ABCA6: variants seen among roughly 807,000 people sequenced by gnomAD.
ABCA6 encodes the protein ATP binding cassette subfamily A member 6, also known as ATP-binding cassette sub-family A member 6.
ABCA6 carries 164 observed loss-of-function variants against 191.2 expected under a neutral mutation model. That is an observed-to-expected ratio of 0.86 (90% confidence interval 0.76 to 0.98). The LOEUF (loss-of-function observed/expected upper bound fraction) is 0.98, where lower values mean the gene tolerates loss of function less well. ABCA6 is among the 50% of genes least tolerant of loss of function. ABCA6 has a pLI of 0.00. For missense variants in ABCA6, 1,958 were observed against 1,894.1 expected (o/e 1.03, Z -0.63); for synonymous variants, 636 against 647.7 (o/e 0.98, Z 0.27).
At position 69,113,377 on chromosome 17, in the gene ABCA6, T is replaced by G. The variant is rs2073469882; in HGVS notation, c.1903-17A>C. 7.0e-6 allele frequency: 11 copies of G among 1,580,344 alleles called. No individual in the cohort carries two copies. Among genetic ancestry groups the G allele is most frequent in the Non-Finnish European group, 9.4e-6 (11 of 1,169,156 alleles). ...AAGCAAAATCTACAGAGAATGAAGATATATAAAATATGTCTCTCTTTCACA... is the reference window on the plus strand; with the variant it reads ...AAGCAAAATCTACAGAGAATGAAGAGATATAAAATATGTCTCTCTTTCACA... On this transcript the variant is annotated splice_polypyrimidine_tract_variant and intron_variant, in intron 14 of 38. Transcript: ENST00000284425.
At chr17:69,092,238 AT>A (rs530266773) in intron 25 of ABCA6, among the ~76,000 whole-genome samples, 75 of 152,340 alleles carry the variant, frequency 4.9e-4, no homozygotes, top group Middle Eastern at 6.8e-3. Flanking sequence ...ACTGATTATA[AT>A]AAAAATAGAA....
At chr17:69,123,923 A>T (rs895249819) in intron 9 of ABCA6, among the ~76,000 whole-genome samples, 3 of 152,064 alleles carry the variant, frequency 2.0e-5, no homozygotes, top group African/African-American at 7.2e-5. Context: ...AAATTTTTTT[A>T]AAATGTGATC....
Position 69,078,875 on chromosome 17 carries a change from G to T in ABCA6, c.*98C>A. 1.5e-6 allele frequency: 1 copy of T among 687,160 alleles called. No individual in the cohort carries two copies. Among genetic ancestry groups the T allele is most frequent in the Non-Finnish European group, 2.2e-6 (1 of 445,348 alleles). The allele number at this position is 687,160 out of a possible 1,614,324, so 42.6% of individuals were successfully genotyped here. On this transcript the variant is annotated 3_prime_UTR_variant, in exon 39 of 39. Coordinates refer to ENST00000284425, the MANE Select transcript of ABCA6 (RefSeq NM_080284.3). ...ACTAAATTTACAAAATATACCTGAT[G>T]TTAATTTTAAATGATCTTTAAAATT... is the stretch of plus-strand genomic sequence containing the variant.
Position 69,129,619 on chromosome 17 carries a change from G to T in ABCA6, c.924C>A (p.Gly308=). Residue 308 remains glycine, a synonymous_variant, in exon 7 of 39, where the codon GGC becomes GGA. Transcript: ENST00000284425. ...MVIFILFFLY[G]LSLVALVFLM... ...AAATGTATCAACTTACCAAAGATAA[G>T]CCATATAAAAAAAAGAGTATAAATA... The T allele has an allele frequency of 6.3e-7, 1 of 1,591,860 alleles. No individual in the cohort carries two copies. The highest frequency in any genetic ancestry group is 1.1e-5 in the South Asian group (1 of 88,534).
Position 69,128,668 on chromosome 17 carries a change from C to T in ABCA6, c.1070G>A (p.Trp357Ter). The T allele has an allele frequency of 1.2e-6, 2 of 1,613,016 alleles. No individual in the cohort carries two copies. The highest frequency in any genetic ancestry group is 1.1e-5 in the South Asian group (1 of 90,954). Residue 357 changes from tryptophan (W) to a stop codon, truncating the protein, a stop_gained, in exon 8 of 39, where the codon TGG becomes TAG. Transcript: ENST00000284425. LOFTEE classifies it high-confidence loss of function. Reference sequence around the variant, plus strand: ...AAAAGGGCTACAAATATTCAAAATCCACTCCAGAGATGAAGGAAGTTGTTC... The same window carrying T: ...AAAAGGGCTACAAATATTCAAAATCTACTCCAGAGATGAAGGAAGTTGTTC... ...FYEQLPSSLE[W>*]ILNICSPFAF... is the part of the protein sequence containing the mutation.
At chr17:69,121,794 C>T (rs2073652014) in intron 10 of ABCA6, among the ~76,000 whole-genome samples, 1 of 151,920 alleles carries the variant, frequency 6.6e-6, no homozygotes, top group South Asian at 2.1e-4. Context: ...GTGCCCTCAA[C>T]TGGTAAAGAA....
At chr17:69,093,093 A>G (rs1176032573) in intron 25 of ABCA6, among the ~76,000 whole-genome samples, 2 of 152,188 alleles carry the variant, frequency 1.3e-5, no homozygotes, top group African/African-American at 2.4e-5. Flanking sequence ...GAGGAATGAC[A>G]TAAGGTCTGA....
At chr17:69,116,723 C>A (rs976134384) in intron 11 of ABCA6, among the ~76,000 whole-genome samples, 14 of 152,086 alleles carry the variant, frequency 9.2e-5, no homozygotes, top group African/African-American at 3.4e-4. Context: ...AAAAGTGTGT[C>A]CCAAAGGTGT....
At position 69,129,677 on chromosome 17, in the gene ABCA6, G is replaced by A. The variant is rs1383163950; in HGVS notation, c.866C>T (p.Thr289Ile). 4 of 1,605,038 alleles carry A rather than the reference G, an allele frequency of 2.5e-6. No homozygotes were observed. Among genetic ancestry groups the A allele is most frequent in the East Asian group, 2.2e-5 (1 of 44,718 alleles). ...SIFVTIIITF[T>I]QIIVMTGFMV... is the part of the protein sequence containing the mutation. ...GAAGCCAGTCATGACTATAATTTGGGTGAATGTTATGATAATTGTAACGAA... is the reference window on the plus strand; with the variant it reads ...GAAGCCAGTCATGACTATAATTTGGATGAATGTTATGATAATTGTAACGAA... The change falls in exon 7 of 39, where the codon ACC becomes ATC. Residue 289 changes from threonine to isoleucine, a missense_variant. Coordinates refer to ENST00000284425, the MANE Select transcript of ABCA6 (RefSeq NM_080284.3).
chr17:69,114,877 T>C lies in ABCA6; in HGVS notation c.1667A>G (p.Lys556Arg), dbSNP rs1226613349. ...GAATTGAGGACAGACGCCAGTTATC[T>C]TTCTGATTTCCTCCAAGTCTTGCAT... is the stretch of plus-strand genomic sequence containing the variant. ...SEMQDLEEIRKITGVCPQFNV... is the reference protein window; with the variant it reads ...SEMQDLEEIRRITGVCPQFNV... Residue 556 changes from lysine (K) to arginine (R), a missense_variant, in exon 13 of 39, where the codon AAG (lysine) becomes AGG (arginine). Coordinates refer to ENST00000284425, the MANE Select transcript of ABCA6 (RefSeq NM_080284.3). 1 of 1,612,582 alleles carries C rather than the reference T, an allele frequency of 6.2e-7. No individual in the cohort carries two copies. The highest frequency in any genetic ancestry group is 8.5e-7 in the Non-Finnish European group (1 of 1,179,080).
rs556232507 is a variant in ABCA6 at position 69,127,871 on chromosome 17, A to G, written c.1119+748T>C. ...AAATGCTCAAAAACTAAAAATTATC[A>G]TAATCTATTGATAAGAAAATTGATA... On this transcript the variant is annotated intron_variant, in intron 8 of 38. Coordinates refer to ENST00000284425, the MANE Select transcript of ABCA6 (RefSeq NM_080284.3). 9.2e-5 allele frequency among the ~76,000 whole-genome samples: 14 copies of G among 152,272 alleles called. 1 individual carries two copies. The highest frequency in any genetic ancestry group is 3.1e-4 in the African/African-American group (13 of 41,580).
At position 69,117,852 on chromosome 17, in the gene ABCA6, TAAAG is replaced by T. The variant is rs777026441; in HGVS notation, c.1495+42_1495+45del. ...CATTGAATGTTTCCCTTTTTTATAA[TAAAG>T]AAAGAAGTGAAAGAATGAAATTTTT... On this transcript the variant is annotated intron_variant, in intron 11 of 38. Coordinates refer to ENST00000284425, the MANE Select transcript of ABCA6 (RefSeq NM_080284.3). The T allele has an allele frequency of 1.1e-4, 152 of 1,379,460 alleles. 1 individual carries two copies. The South Asian group carries it at 1.4e-3, about 13-fold the overall frequency. The allele number at this position is 1,379,460 out of a possible 1,614,324, so 85.5% of individuals were successfully genotyped here.
chr17:69,131,505 A>G (rs2073861221), intron 6 of ABCA6, among the ~76,000 whole-genome samples: 1 of 152,184 alleles, frequency 6.6e-6, no homozygotes, highest in African/African-American at 2.4e-5. Flanking sequence ...CACTACTTAG[A>G]AAAAGGAACC....
At chr17:69,123,166 T>C in intron 10 of ABCA6, 73 bp downstream of exon 10, 6 of 992,524 alleles carry the variant, frequency 6.0e-6, no homozygotes, top group Non-Finnish European at 7.8e-6. Flanking sequence ...AGTATAATAA[T>C]AATAAAATTA....
Position 69,082,908 on chromosome 17 carries a change from A to G in ABCA6, c.4581T>C (p.Ile1527=). 6.2e-7 allele frequency: 1 copy of G among 1,614,240 alleles called. No homozygotes were observed. Among genetic ancestry groups the G allele is most frequent in the Non-Finnish European group, 8.5e-7 (1 of 1,180,016 alleles). The change falls in exon 36 of 39, where the codon ATT becomes ATC. Residue 1527 remains isoleucine (I), a synonymous_variant. Transcript: ENST00000284425. ...CTGCAGCCTGTGGGAAAAGCTTCAG[A>G]ATCTCAGTGTGGACCAAAGTCACTT... The part of the protein sequence containing the change: ...TSQVTLVHTE[I]LKLFPQAAGQ...
Position 69,097,908 on chromosome 17 carries a change from G to A in ABCA6, c.3120+12C>T. ...ATTCCTGAAATTTCTTCTTTTCCCTGCTTTTTCTTACCTTGTAATCACTGA... is the reference window on the plus strand; with the variant it reads ...ATTCCTGAAATTTCTTCTTTTCCCTACTTTTTCTTACCTTGTAATCACTGA... On this transcript the variant is annotated intron_variant, in intron 23 of 38. Transcript: ENST00000284425. 1.3e-6 allele frequency: 2 copies of A among 1,554,758 alleles called. No individual in the cohort carries two copies. The highest frequency in any genetic ancestry group is 2.4e-5 in the South Asian group (2 of 83,270).
Position 69,110,894 on chromosome 17 carries a change from T to C in ABCA6, c.2179A>G (p.Ile727Val). 2 of 1,611,574 alleles carry C rather than the reference T, an allele frequency of 1.2e-6. No homozygotes were observed. Among genetic ancestry groups the C allele is most frequent in the Non-Finnish European group, 1.7e-6 (2 of 1,178,624 alleles). Residue 727 changes from isoleucine to valine, a missense_variant, in exon 17 of 39, where the codon ATT becomes GTT. Ile to Val is a conservative substitution (Grantham distance 29). Transcript: ENST00000284425. ...ICNPEQITSFITHHIPDAKLK... is the reference protein window; with the variant it reads ...ICNPEQITSFVTHHIPDAKLK... ...TTAGCATCGGGGATGTGATGAGTAA[T>C]GAAGGATGTTATTTGTTCTGGGTTA... is the stretch of plus-strand genomic sequence containing the variant.
At chr17:69,128,497 C>T in intron 8 of ABCA6, 122 bp downstream of exon 8, 1 of 656,442 alleles carries the variant, frequency 1.5e-6, no homozygotes, top group Non-Finnish European at 2.2e-6. Context: ...CATTTTAAAG[C>T]TTAACTTTAG....
intron 11 of ABCA6, among the ~76,000 whole-genome samples, chr17:69,116,614 T>C (rs1386214642): frequency 6.6e-6 from 1 of 152,240 alleles, no homozygotes; most frequent in East Asian, 1.9e-4. Context: ...TGGAAACAAA[T>C]TGAATCTCAT....
Sources: gnomAD v4.1 joint callset for allele counts (sites outside exome capture counted in the v4.1 genomes callset) on GRCh38, gnomAD v4.1.1 for gene constraint, MANE v1.5 for transcripts, NCBI Gene and HGNC (gene_info 2026-07-23, HGNC 2026-07-21) for gene names.